NAP1L1: variants seen among roughly 807,000 people sequenced by gnomAD.
NAP1L1 encodes the protein nucleosome assembly protein 1-like 1.
A neutral mutation model predicts 58.9 loss-of-function variants in NAP1L1; 9 were observed. That is an observed-to-expected ratio of 0.15 (90% CI 0.09 to 0.27). The LOEUF (loss-of-function observed/expected upper bound fraction) is 0.27, where lower values mean the gene tolerates loss of function less well. Ranked by LOEUF, NAP1L1 falls within the 10% of genes least tolerant of loss-of-function variation. The pLI is 1.00. For missense variants in NAP1L1, 302 were observed against 458.8 expected, an observed-to-expected ratio of 0.66 and a Z score of 3.12; for synonymous variants, 130 against 138.3, an observed-to-expected ratio of 0.94 and a Z score of 0.42.
rs781082620 is a variant in NAP1L1 at position 76,053,055 on chromosome 12, TTAACAATTCAATAAATATA to T, written c.936+17_936+35del. ...TTCAGTGCTTTAATTTCAAATATAC[TTAACAATTCAATAAATATA>T]TAACAATTCAACTTACCAGATCTCC... On this transcript the variant is annotated intron_variant, in intron 11 of 14. Coordinates refer to ENST00000618691, the MANE Select transcript of NAP1L1 (RefSeq NM_004537.7). 1.1e-5 allele frequency: 17 copies of T among 1,572,804 alleles called. No homozygotes were observed. The highest frequency in any genetic ancestry group is 2.7e-5 in the African/African-American group (2 of 73,104).
intron 1 of NAP1L1, among the ~76,000 whole-genome samples, chr12:76,079,864 AT>A (rs1238857912): frequency 2.6e-5 from 4 of 151,748 alleles, no homozygotes; most frequent in Non-Finnish European, 5.9e-5. Flanking sequence ...TATTGTTTTA[AT>A]TTTTTTTGTA....
chr12:76,049,849 T>G (rs1218553825), intron 12 of NAP1L1, 64 bp from the exon 13 acceptor site: 5 of 1,560,966 alleles, frequency 3.2e-6, no homozygotes, highest in Non-Finnish European at 4.4e-6. Flanking sequence ...GTAGCATCAG[T>G]AACATTTATC....
rs974534153 is a variant in NAP1L1 at position 76,052,855 on chromosome 12, C to A, written c.936+236G>T. On this transcript the variant is annotated intron_variant, in intron 11 of 14. Transcript: ENST00000618691. ...TTTTGAAAAGTTAAATCCCTCACAG[C>A]AATATGTGAAGTTTCAAAAGAAAAG... Among the ~76,000 whole-genome samples the A allele has an allele frequency of 2.0e-5, 3 of 152,268 alleles. No homozygotes were observed. In the South Asian group the frequency reaches 6.2e-4, roughly 32 times the overall value.
In NAP1L1 at chr12:76,041,346, CCAGTT is replaced by C. The variant is rs1417367330; in HGVS notation, c.*7078_*7082del. On this transcript the variant is annotated 3_prime_UTR_variant, in exon 15 of 15. Coordinates refer to ENST00000618691, the MANE Select transcript of NAP1L1 (RefSeq NM_004537.7). ...TAGAGTATTTTGAACTGGTTCAAAACCAGTTCAGATTTATAGAACCAAAGAGTAGG... is the reference window on the plus strand; with the variant it reads ...TAGAGTATTTTGAACTGGTTCAAAACCAGATTTATAGAACCAAAGAGTAGG... 6.6e-6 allele frequency: 1 copy of C among 152,122 alleles called. No homozygotes were observed. The highest frequency in any genetic ancestry group is 2.4e-5 in the African/African-American group (1 of 41,430). The allele number at this position is 152,122 out of a possible 1,614,324, so 9.4% of individuals were successfully genotyped here.
At chr12:76,076,549 AATATATATATATATATATAT>A (rs58649228) in intron 1 of NAP1L1, among the ~76,000 whole-genome samples, 68,630 of 120,764 alleles carry the variant, frequency 0.57, 21,011 homozygotes, top group East Asian at 0.87. Context: ...TGGATATGGA[AATATATATATATATATATAT>A]ATATATATAT....
intron 8 of NAP1L1, 107 bp downstream of exon 8, chr12:76,054,912 A>G (rs76940190): frequency 1.3e-4 from 90 of 667,554 alleles, no homozygotes; most frequent in South Asian, 3.2e-4. Context: ...TTTATTCACT[A>G]TAACAAAGAG....
At chr12:76,075,223 CT>C (rs1950127801) in intron 1 of NAP1L1, among the ~76,000 whole-genome samples, 2 of 152,142 alleles carry the variant, frequency 1.3e-5, no homozygotes, top group Non-Finnish European at 2.9e-5. Flanking sequence ...GCCCAAGAGC[CT>C]GTAATCCCAG....
intron 1 of NAP1L1, among the ~76,000 whole-genome samples, chr12:76,074,861 C>T (rs1281020762): frequency 6.6e-6 from 1 of 152,120 alleles, no homozygotes; most frequent in Non-Finnish European, 1.5e-5. Context: ...TCCAAATGTA[C>T]ATGTACCTCA....
At chr12:76,076,486 T>G (rs1441471351) in intron 1 of NAP1L1, among the ~76,000 whole-genome samples, 1 of 147,566 alleles carries the variant, frequency 6.8e-6, no homozygotes, top group African/African-American at 2.5e-5. Context: ...CAGATCTGAG[T>G]TGATATGAAG....
intron 4 of NAP1L1, among the ~76,000 whole-genome samples, chr12:76,064,379 C>A (rs746229933): frequency 4.6e-5 from 7 of 151,926 alleles, no homozygotes; most frequent in Non-Finnish European, 1.0e-4. Context: ...AGAAGCTGAA[C>A]AATACAATAA....
chr12:76,043,655 G>C lies in NAP1L1; in HGVS notation c.*4774C>G, dbSNP rs930455449. On this transcript the variant is annotated 3_prime_UTR_variant, in exon 15 of 15. Coordinates refer to ENST00000618691, the MANE Select transcript of NAP1L1 (RefSeq NM_004537.7). ...GTATTTCCAGGTATCTCAATTCCTTGAATGTAGCCTCAATTGTTCTGTTCT... is the reference window on the plus strand; with the variant it reads ...GTATTTCCAGGTATCTCAATTCCTTCAATGTAGCCTCAATTGTTCTGTTCT... 6.6e-6 allele frequency: 1 copy of C among 152,014 alleles called. No individual in the cohort carries two copies. The highest frequency in any genetic ancestry group is 6.6e-5 in the Admixed American group (1 of 15,260). The allele number at this position is 152,014 out of a possible 1,614,324, so 9.4% of individuals were successfully genotyped here.
At position 76,050,645 on chromosome 12, in the gene NAP1L1, A is replaced by G; in HGVS notation, c.945T>C (p.Asp315=). Residue 315 remains aspartate, a synonymous_variant, in exon 12 of 15, where the codon GAT becomes GAC. Transcript: ENST00000618691. ...EVPESGDLDD[D]AEAILAADFE... is the part of the protein sequence containing the mutation. ...AGTCTGCAGCAAGGATAGCTTCAGC[A>G]TCATCATCCTATTTTTAAAGGAAAA... 2.5e-6 allele frequency: 4 copies of G among 1,595,040 alleles called. No individual in the cohort carries two copies. The South Asian group carries it at 3.4e-5, about 14-fold the overall frequency.
chr12:76,042,066 T>A lies in NAP1L1; in HGVS notation c.*6363A>T, dbSNP rs904257588. Reference sequence around the variant, plus strand: ...TAGGTTAAGGTCAATTTTTTTTTTGTTTTTTACACATAAAATCTTCAAAAC... The same window carrying A: ...TAGGTTAAGGTCAATTTTTTTTTTGATTTTTACACATAAAATCTTCAAAAC... On this transcript the variant is annotated 3_prime_UTR_variant, in exon 15 of 15. Transcript: ENST00000618691. 2.0e-5 allele frequency: 3 copies of A among 151,908 alleles called. No individual in the cohort carries two copies. The highest frequency in any genetic ancestry group is 7.3e-5 in the African/African-American group (3 of 41,272). The allele number at this position is 151,908 out of a possible 1,614,324, so 9.4% of individuals were successfully genotyped here. A position where few individuals can be genotyped will look rare whatever the true frequency, so the allele number is the denominator to read the frequency against.
intron 1 of NAP1L1, among the ~76,000 whole-genome samples, chr12:76,077,367 A>C (rs1211551815): frequency 6.6e-6 from 1 of 152,174 alleles, no homozygotes; most frequent in Non-Finnish European, 1.5e-5. Context: ...GCTGACATCA[A>C]CTTTGTAGCA....
chr12:76,050,704 T>G, intron 11 of NAP1L1, 51 bp from the exon 12 acceptor site: 1 of 1,572,310 alleles, frequency 6.4e-7, no homozygotes, highest in Non-Finnish European at 8.6e-7. Context: ...ACTGTGTTAC[T>G]TAATTTGGCA....
chr12:76,055,728 A>G (rs529224535), intron 7 of NAP1L1, among the ~76,000 whole-genome samples: 2 of 152,214 alleles, frequency 1.3e-5, no homozygotes, highest in Admixed American at 6.5e-5. Context: ...CAGCTATAAG[A>G]TTAACTTTCC....
At chr12:76,066,427 C>G (rs1949674882) in intron 4 of NAP1L1, among the ~76,000 whole-genome samples, 1 of 151,736 alleles carries the variant, frequency 6.6e-6, no homozygotes, top group Non-Finnish European at 1.5e-5. Context: ...TGTCTAAAAA[C>G]TGACAAGGGA....
At chr12:76,048,505 C>T in intron 14 of NAP1L1, 41 bp from the exon 15 acceptor site, 5 of 1,608,498 alleles carry the variant, frequency 3.1e-6, no homozygotes, top group Non-Finnish European at 4.3e-6. Flanking sequence ...CTTCTTCTAC[C>T]TGCTTCAGTG....
chr12:76,054,214 C>T (rs1191272185), intron 8 of NAP1L1, among the ~76,000 whole-genome samples: 2 of 151,970 alleles, frequency 1.3e-5, no homozygotes, highest in Non-Finnish European at 2.9e-5. Flanking sequence ...ATTTTTAGTA[C>T]AGACAGTGTT....
Sources: gnomAD v4.1 joint callset for allele counts (sites outside exome capture counted in the v4.1 genomes callset) on GRCh38, gnomAD v4.1.1 for gene constraint, MANE v1.5 for transcripts, NCBI Gene and HGNC (gene_info 2026-07-23, HGNC 2026-07-21) for gene names.